GALNT2: variants seen among roughly 807,000 people sequenced by gnomAD.
GALNT2 encodes polypeptide N-acetylgalactosaminyltransferase 2, also known as UDP-GalNAc:polypeptide N-acetylgalactosaminyltransferase 2.
Under a neutral mutation model 81.4 loss-of-function variants are expected in GALNT2, and 31 were observed. The observed-to-expected ratio is 0.38, with a 90% CI of 0.29 to 0.51. The LOEUF (loss-of-function observed/expected upper bound fraction) is 0.51. Ranked by LOEUF, GALNT2 falls within the 20% of genes least tolerant of loss-of-function variation. The probability of loss-of-function intolerance (pLI) is 0.87; values close to 1 mark genes in which losing one functional copy is unlikely to be tolerated. For synonymous variants in GALNT2, 303 were observed against 287.4 expected, an observed-to-expected ratio of 1.05 and a Z score of -0.55; for missense variants, 629 against 765.7, an observed-to-expected ratio of 0.82 and a Z score of 2.11.
intron 1 of GALNT2, among the ~76,000 whole-genome samples, chr1:230,163,615 G>A (rs1435887688): frequency 6.6e-6 from 1 of 152,248 alleles, no homozygotes; most frequent in East Asian, 1.9e-4. Context: ...GAGCTCCAGA[G>A]CAGGAATTTG....
chr1:230,265,519 G>C, intron 14 of GALNT2, 152 bp downstream of exon 14: 1 of 1,041,930 alleles, frequency 9.6e-7, no homozygotes, highest in Non-Finnish European at 1.4e-6. Flanking sequence ...CAGCCTCTTT[G>C]GCAGCCAGCA....
chr1:230,192,791 C>G (rs1403922689), intron 2 of GALNT2, among the ~76,000 whole-genome samples: 1 of 152,016 alleles, frequency 6.6e-6, no homozygotes, highest in African/African-American at 2.4e-5. Context: ...TTTGGATTTC[C>G]TGGTTTTTTT....
intron 1 of GALNT2, among the ~76,000 whole-genome samples, chr1:230,077,777 G>C (rs769902577): frequency 6.6e-6 from 1 of 152,182 alleles, no homozygotes; most frequent in Non-Finnish European, 1.5e-5. Context: ...AAAATACTAA[G>C]AGCCATTGGT....
Position 230,199,059 on chromosome 1 carries a change from G to A in GALNT2, c.221-4078G>A, listed in dbSNP as rs558875655. Among the ~76,000 whole-genome samples, 7 of 152,086 alleles carry A rather than the reference G, an allele frequency of 4.6e-5. No homozygotes were observed. The East Asian group carries it at 5.8e-4, about 13-fold the overall frequency. On this transcript the variant is annotated intron_variant, in intron 2 of 15. Transcript: ENST00000366672. ...TCTGCTTAGCCAAGTCCACTTTCCC[G>A]AGATTCTCATATATTTTTATTTTCT...
intron 11 of GALNT2, among the ~76,000 whole-genome samples, chr1:230,260,804 T>G (rs1321852577): frequency 6.6e-6 from 1 of 152,158 alleles, no homozygotes; most frequent in African/African-American, 2.4e-5. Flanking sequence ...AAAGTAAAAA[T>G]TCATCAGTCT....
chr1:230,215,119 G>A (rs1459587753), intron 3 of GALNT2, among the ~76,000 whole-genome samples: 1 of 152,210 alleles, frequency 6.6e-6, no homozygotes, highest in Non-Finnish European at 1.5e-5. Context: ...GAGAGAGCTG[G>A]TGAGTTTCCA....
chr1:230,203,383 A>G, intron 3 of GALNT2, 93 bp downstream of exon 3: 1 of 1,397,862 alleles, frequency 7.2e-7, no homozygotes, highest in Admixed American at 1.9e-5. Flanking sequence ...CTTCTCCATT[A>G]CTCTGGGAAA....
At chr1:230,178,415 A>G in intron 2 of GALNT2, 104 bp downstream of exon 2, 2 of 802,414 alleles carry the variant, frequency 2.5e-6, no homozygotes, top group Non-Finnish European at 3.9e-6. Flanking sequence ...GCTGGATTCC[A>G]TAGGTCAGCA....
rs548673346 is a variant in GALNT2 at position 230,275,371 on chromosome 1, A to C, written c.1560+807A>C. Among the ~76,000 whole-genome samples, 9 of 151,226 alleles carry C rather than the reference A, an allele frequency of 6.0e-5. No individual in the cohort carries two copies. Among genetic ancestry groups the C allele is most frequent in the African/African-American group, 2.2e-4 (9 of 41,254 alleles). On this transcript the variant is annotated intron_variant, in intron 15 of 15. Transcript: ENST00000366672. This position sits in a 1 kb window ranked among gnomAD's most constrained non-coding sequence, Gnocchi z 5.5. Reference sequence around the variant, plus strand: ...ATATATACATGCCACATATACATCTATAAACACCACATGTATACACGCCAC... The same window carrying C: ...ATATATACATGCCACATATACATCTCTAAACACCACATGTATACACGCCAC...
At position 230,243,850 on chromosome 1, in the gene GALNT2, C is replaced by A. The variant is rs1665283811; in HGVS notation, c.729+423C>A. On this transcript the variant is annotated intron_variant, in intron 7 of 15. Transcript: ENST00000366672. This position sits in a 1 kb window ranked among gnomAD's most constrained non-coding sequence, Gnocchi z 4.2. ...CTGGGGAAGCTGTCCCTGGGGCCAC[C>A]TCTCTGCTCTTAGTGAGTAGGGCAG... Among the ~76,000 whole-genome samples the A allele has an allele frequency of 6.6e-6, 1 of 152,174 alleles. No individual in the cohort carries two copies. The highest frequency in any genetic ancestry group is 2.4e-5 in the African/African-American group (1 of 41,442).
intron 1 of GALNT2, among the ~76,000 whole-genome samples, chr1:230,163,062 A>G (rs1351163969): frequency 6.6e-6 from 1 of 152,188 alleles, no homozygotes; most frequent in Non-Finnish European, 1.5e-5. Flanking sequence ...TGATGGGGAA[A>G]GTTCTCCTTG....
intron 1 of GALNT2, among the ~76,000 whole-genome samples, chr1:230,087,792 T>G (rs1361360005): frequency 6.6e-6 from 1 of 152,206 alleles, no homozygotes; most frequent in Non-Finnish European, 1.5e-5. Context: ...GGTCTTCTCT[T>G]TTGGAATACT....
intron 1 of GALNT2, among the ~76,000 whole-genome samples, chr1:230,145,858 G>A (rs759502974): frequency 6.6e-6 from 1 of 152,192 alleles, no homozygotes; most frequent in Non-Finnish European, 1.5e-5. Context: ...GTAGCATTTC[G>A]GCTTGCTTGC....
intron 1 of GALNT2, among the ~76,000 whole-genome samples, chr1:230,136,761 C>T (rs930352006): frequency 2.6e-5 from 4 of 152,164 alleles, no homozygotes; most frequent in Non-Finnish European, 4.4e-5. Flanking sequence ...TGGAGAGAGG[C>T]GAGTGGGAAG....
chr1:230,195,512 C>T (rs1458184014), intron 2 of GALNT2, among the ~76,000 whole-genome samples: 1 of 151,992 alleles, frequency 6.6e-6, no homozygotes, highest in Non-Finnish European at 1.5e-5. Context: ...AGGAGGTAGC[C>T]ACATTGAGAG....
intron 2 of GALNT2, among the ~76,000 whole-genome samples, chr1:230,189,654 G>A (rs536233222): frequency 1.3e-5 from 2 of 152,350 alleles, no homozygotes; most frequent in African/African-American, 4.8e-5. Context: ...TGTGGTAAAA[G>A]ATGCGTAACA....
At chr1:230,100,480 C>G (rs1235471222) in intron 1 of GALNT2, among the ~76,000 whole-genome samples, 1 of 152,088 alleles carries the variant, frequency 6.6e-6, no homozygotes, top group African/African-American at 2.4e-5. Flanking sequence ...CACCTGCCAC[C>G]ACACCCGGCT....
chr1:230,119,074 A>T (rs1420814637), intron 1 of GALNT2, among the ~76,000 whole-genome samples: 1 of 152,218 alleles, frequency 6.6e-6, no homozygotes, highest in Non-Finnish European at 1.5e-5. Flanking sequence ...CCTTAAGGGC[A>T]TCCATATTTA....
In GALNT2 at chr1:230,225,594, C is replaced by T. The variant is rs189436829; in HGVS notation, c.375-10420C>T. Among the ~76,000 whole-genome samples, 9 of 151,998 alleles carry T rather than the reference C, an allele frequency of 5.9e-5. No homozygotes were observed. The East Asian group carries it at 1.2e-3, about 20-fold the overall frequency. On this transcript the variant is annotated intron_variant, in intron 3 of 15. Coordinates refer to ENST00000366672, the MANE Select transcript of GALNT2 (RefSeq NM_004481.5). ...TTTGAGGAACACAGCGTGGGCTGGG[C>T]CACTTCATGTATGGTGACCACAGGG...
Sources: allele counts gnomAD v4.1 joint callset (sites outside exome capture counted in the v4.1 genomes callset), GRCh38; gene constraint gnomAD v4.1.1; non-coding constraint Gnocchi (gnomAD v3.1); transcripts MANE v1.5; gene names NCBI Gene and HGNC (gene_info 2026-07-23, HGNC 2026-07-21).